The following NPL variants were observed in gnomAD, a reference collection of about 807,000 sequenced individuals.
NPL encodes the protein N-acetylneuraminate lyase.
A neutral mutation model predicts 41.1 loss-of-function variants in NPL; 32 were observed. The observed-to-expected ratio is 0.78, with a 90% CI of 0.59 to 1.05. The LOEUF is 1.05. NPL is among the 50% of genes least tolerant of loss of function. The pLI is 0.00. For synonymous variants in NPL, 128 were observed against 134.9 expected (o/e 0.95, Z 0.35); for missense variants, 321 against 378.4 (o/e 0.85, Z 1.26).
chr1:182,824,059 C>T (rs1406712496), intron 11 of NPL, among the ~76,000 whole-genome samples: 1 of 152,212 alleles, frequency 6.6e-6, no homozygotes. Flanking sequence ...AAATTTATCT[C>T]ATTCACTTTA....
At chr1:182,822,012 G>T in intron 10 of NPL, 103 bp from the exon 11 acceptor site, 1 of 781,902 alleles carries the variant, frequency 1.3e-6, no homozygotes, top group South Asian at 1.4e-5. Context: ...GACTTTAGGA[G>T]GACTAGGTGT....
Position 182,828,555 on chromosome 1 carries a change from G to T in NPL, c.779-169G>T, listed in dbSNP as rs1416147575. On this transcript the variant is annotated intron_variant, in intron 12 of 12. Transcript: ENST00000367553. This position sits in a 1 kb window ranked among gnomAD's most constrained non-coding sequence, Gnocchi z 4.0. ...GTTCTGTGTTTGAAGCAGGAAGAGG[G>T]ATTTCGAATGATTGCTCATCTGTCA... Among the ~76,000 whole-genome samples the T allele has an allele frequency of 6.6e-6, 1 of 152,150 alleles. No individual in the cohort carries two copies. Among genetic ancestry groups the T allele is most frequent in the African/African-American group, 2.4e-5 (1 of 41,418 alleles).
In NPL at chr1:182,829,066, C is replaced by CT; in HGVS notation, c.*160dup. Reference sequence around the variant, plus strand: ...GTACCTTTTGTGAGCCTTAAAAAGTCTTATTTTGTGAAGGGGCAAAAACTC... The same window carrying CT: ...GTACCTTTTGTGAGCCTTAAAAAGTCTTTATTTTGTGAAGGGGCAAAAACTC... On this transcript the variant is annotated 3_prime_UTR_variant, in exon 13 of 13. Transcript: ENST00000367553. 1 of 1,456,000 alleles carries CT rather than the reference C, an allele frequency of 6.9e-7. No individual in the cohort carries two copies. Among genetic ancestry groups the CT allele is most frequent in the South Asian group, 1.4e-5 (1 of 69,544 alleles). The allele number at this position is 1,456,000 out of a possible 1,614,324, so 90.2% of individuals were successfully genotyped here. A position where few individuals can be genotyped will look rare whatever the true frequency, so the allele number is the denominator to read the frequency against.
In NPL at chr1:182,818,662, G is replaced by A. The variant is rs58343016; in HGVS notation, c.579G>A (p.Gln193=). Residue 193 remains glutamine (Q), a synonymous_variant, in exon 9 of 13, where the codon CAG becomes CAA. Transcript: ENST00000367553. ...GTGTTGATCAGAATCGCCAGCAACA[G>A]TTTGCTTTCCTTTTTGGGGTGGATG... ...GQCVDQNRQQ[Q]FAFLFGVDEQ... 2.8e-3 allele frequency: 4,541 copies of A among 1,614,188 alleles called. 124 individuals are homozygous for A. The African/African-American group carries it at 0.055, about 19-fold the overall frequency.
intron 5 of NPL, among the ~76,000 whole-genome samples, chr1:182,810,666 ATTCTT>A: frequency 6.6e-6 from 1 of 151,094 alleles, no homozygotes; most frequent in Non-Finnish European, 1.5e-5. Flanking sequence ...AAAAGGCTCT[ATTCTT>A]TTTTCTCTTT....
At chr1:182,809,153 G>T in intron 5 of NPL, 1 of 405,136 alleles carries the variant, frequency 2.5e-6, no homozygotes, top group Non-Finnish European at 4.8e-6. Context: ...CATAAGTCAG[G>T]GAGTGTAATG....
chr1:182,822,110 G>C lies in NPL; in HGVS notation c.654-5G>C. 6.3e-7 allele frequency: 1 copy of C among 1,594,370 alleles called. No individual in the cohort carries two copies. The highest frequency in any genetic ancestry group is 8.6e-7 in the Non-Finnish European group (1 of 1,162,084). Reference sequence around the variant, plus strand: ...AACCTGCAGTATTTGTTATTGTCTTGCCAGTACCTATAACTACCTGGGAAA... The same window carrying C: ...AACCTGCAGTATTTGTTATTGTCTTCCCAGTACCTATAACTACCTGGGAAA... On this transcript the variant is annotated splice_region_variant and splice_polypyrimidine_tract_variant and intron_variant, in intron 10 of 12. Transcript: ENST00000367553.
intron 6 of NPL, among the ~76,000 whole-genome samples, chr1:182,813,149 T>C (rs1667226534): frequency 7.1e-6 from 1 of 141,500 alleles, no homozygotes; most frequent in East Asian, 2.0e-4. Flanking sequence ...TGAGACTCCA[T>C]CTCAAAAAAA....
intron 3 of NPL, among the ~76,000 whole-genome samples, chr1:182,800,082 G>T (rs1666793251): frequency 6.6e-6 from 1 of 152,116 alleles, no homozygotes; most frequent in Non-Finnish European, 1.5e-5. Context: ...ACCGATCATG[G>T]TTAATGGCCT....
chr1:182,794,265 T>G, intron 2 of NPL, 91 bp from the exon 3 acceptor site: 1 of 1,089,142 alleles, frequency 9.2e-7, no homozygotes, highest in Non-Finnish European at 1.4e-6. Flanking sequence ...AAGCACATTT[T>G]ACAGTTCTAA....
chr1:182,801,630 G>C (rs143170888), intron 3 of NPL, among the ~76,000 whole-genome samples: 1 of 152,102 alleles, frequency 6.6e-6, no homozygotes, highest in East Asian at 1.9e-4. Context: ...CAGGAGGATC[G>C]CTTGACCCCA....
At chr1:182,824,998 A>G (rs938388022) in intron 11 of NPL, among the ~76,000 whole-genome samples, 7 of 152,236 alleles carry the variant, frequency 4.6e-5, no homozygotes, top group African/African-American at 1.7e-4. Context: ...GAATTTTGTT[A>G]TAGCAGTGTC....
Position 182,818,708 on chromosome 1 carries a change from T to C in NPL, c.606+19T>C. On this transcript the variant is annotated intron_variant, in intron 9 of 12. Coordinates refer to ENST00000367553, the MANE Select transcript of NPL (RefSeq NM_030769.3). The stretch of plus-strand genomic sequence containing the variant: ...GGATGAGGTAAGTCACCCCCTAGCA[T>C]GTTGCAGCAGGTCAGTTCCCTCCAA... 1 of 1,614,190 alleles carries C rather than the reference T, an allele frequency of 6.2e-7. No homozygotes were observed. Among genetic ancestry groups the C allele is most frequent in the Non-Finnish European group, 8.5e-7 (1 of 1,180,022 alleles).
intron 5 of NPL, among the ~76,000 whole-genome samples, chr1:182,811,116 T>C (rs1253764216): frequency 6.6e-6 from 1 of 152,316 alleles, no homozygotes; most frequent in Non-Finnish European, 1.5e-5. Flanking sequence ...TTTACATAAA[T>C]ATGTGCAATA....
intron 6 of NPL, among the ~76,000 whole-genome samples, chr1:182,813,996 A>C (rs1199166567): frequency 1.3e-5 from 2 of 152,230 alleles, no homozygotes; most frequent in Non-Finnish European, 2.9e-5. Flanking sequence ...CACATCTATT[A>C]GATATAGATA....
intron 5 of NPL, chr1:182,809,106 T>G (rs1225973230): frequency 3.4e-6 from 1 of 296,600 alleles, no homozygotes; most frequent in Non-Finnish European, 6.8e-6. Context: ...TTCATTCAAC[T>G]TACAATTTAC....
intron 3 of NPL, among the ~76,000 whole-genome samples, chr1:182,797,447 G>A (rs1239961605): frequency 6.6e-6 from 1 of 152,292 alleles, no homozygotes; most frequent in African/African-American, 2.4e-5. Context: ...TCTGAGATGA[G>A]CCGGTCTAAA....
At chr1:182,807,084 G>T (rs1009915777) in intron 5 of NPL, among the ~76,000 whole-genome samples, 8 of 152,228 alleles carry the variant, frequency 5.3e-5, no homozygotes, top group Middle Eastern at 3.4e-3. Flanking sequence ...GTGATCCACC[G>T]GTCTTGGCCT....
rs147837893 is a variant in NPL, at chr1:182,828,621, C to T, written c.779-103C>T. On this transcript the variant is annotated intron_variant, in intron 12 of 12. Transcript: ENST00000367553. The surrounding 1 kb of genome is among the most constrained non-coding windows in gnomAD (Gnocchi z 4.0). ...TTCCCATCTTTTGTTTTAATCTTAC[C>T]CTGTTGTAGTAGTTGCTGTTAGCAT... 175 of 1,426,432 alleles carry T rather than the reference C, an allele frequency of 1.2e-4. No individual in the cohort carries two copies. The highest frequency in any genetic ancestry group is 1.6e-4 in the Non-Finnish European group (163 of 1,024,414). The allele number at this position is 1,426,432 out of a possible 1,614,324, so 88.4% of individuals were successfully genotyped here.
Sources: allele counts gnomAD v4.1 joint callset (sites outside exome capture counted in the v4.1 genomes callset), GRCh38; gene constraint gnomAD v4.1.1; non-coding constraint Gnocchi (gnomAD v3.1); transcripts MANE v1.5; gene names NCBI Gene and HGNC (gene_info 2026-07-23, HGNC 2026-07-21).